The following EYS variants were observed in gnomAD, a reference collection of about 807,000 sequenced individuals.
EYS encodes the protein EGF-like photoreceptor maintenance factor.
Under a neutral mutation model 282.1 loss-of-function variants are expected in EYS, and 250 were observed. The observed-to-expected ratio is 0.89, with a 90% CI of 0.80 to 0.98. The LOEUF (loss-of-function observed/expected upper bound fraction) is 0.98, where lower values mean the gene tolerates loss of function less well. EYS is among the 50% of genes least tolerant of loss of function. EYS has a pLI of 0.00. For synonymous variants in EYS, 1,355 were observed against 1,282.9 expected (o/e 1.06, Z -1.20); for missense variants, 4,016 against 3,709.0 (o/e 1.08, Z -2.15).
In EYS at chr6:64,607,491, A is replaced by C. The variant is rs546676539; in HGVS notation, c.3684+9927T>G. ...TTCTAACTATGTCCTCATAGGCTGGAAGGGACTATCTAGTTATCTGCAGCT... is the reference window on the plus strand; with the variant it reads ...TTCTAACTATGTCCTCATAGGCTGGCAGGGACTATCTAGTTATCTGCAGCT... On this transcript the variant is annotated intron_variant, in intron 24 of 42. Coordinates refer to ENST00000503581, the MANE Select transcript of EYS (RefSeq NM_001142800.2). 6.6e-5 allele frequency among the ~76,000 whole-genome samples: 10 copies of C among 152,118 alleles called. No individual in the cohort carries two copies. The East Asian group carries it at 1.9e-3, about 29-fold the overall frequency.
intron 31 of EYS, among the ~76,000 whole-genome samples, chr6:64,206,306 G>T (rs1282517387): frequency 6.6e-6 from 1 of 152,052 alleles, no homozygotes; most frequent in Non-Finnish European, 1.5e-5. Flanking sequence ...TTCACGTTTT[G>T]TTCCAGAGAC....
At chr6:64,897,988 C>T (rs1322766181) in intron 18 of EYS, among the ~76,000 whole-genome samples, 1 of 152,132 alleles carries the variant, frequency 6.6e-6, no homozygotes, top group African/African-American at 2.4e-5. Flanking sequence ...GATTGGTGTA[C>T]CTGAAAGTGA....
intron 7 of EYS, among the ~76,000 whole-genome samples, chr6:65,387,554 T>A (rs1396479857): frequency 6.6e-6 from 1 of 151,864 alleles, no homozygotes; most frequent in Non-Finnish European, 1.5e-5. Context: ...AATAATTTCA[T>A]AAAGCAAAAA....
chr6:65,421,934 C>T (rs1767480061), intron 5 of EYS, among the ~76,000 whole-genome samples: 1 of 151,836 alleles, frequency 6.6e-6, no homozygotes, highest in Non-Finnish European at 1.5e-5. Flanking sequence ...TCAATGATCA[C>T]AGAGCCCCAT....
chr6:65,537,848 A>G (rs112226033), intron 2 of EYS, among the ~76,000 whole-genome samples: 6 of 152,348 alleles, frequency 3.9e-5, no homozygotes, highest in African/African-American at 1.4e-4. Context: ...ATATGAAGAC[A>G]GATTGGACTT....
At chr6:64,291,194 T>C (rs544750452) in intron 30 of EYS, among the ~76,000 whole-genome samples, 1 of 152,064 alleles carries the variant, frequency 6.6e-6, no homozygotes, top group South Asian at 2.1e-4. Context: ...CTAGAGGATA[T>C]GACTCTTATC....
chr6:65,062,435 C>T (rs1425172412), intron 12 of EYS, among the ~76,000 whole-genome samples: 1 of 151,914 alleles, frequency 6.6e-6, no homozygotes, highest in Non-Finnish European at 1.5e-5. Context: ...CCAATGAGAA[C>T]AAGAGTTGCT....
At chr6:64,296,789 T>G (rs1041427459) in intron 30 of EYS, among the ~76,000 whole-genome samples, 1 of 151,742 alleles carries the variant, frequency 6.6e-6, no homozygotes, top group Non-Finnish European at 1.5e-5. Flanking sequence ...GTATTTTTAG[T>G]AGAGACGGGG....
chr6:65,175,027 C>T (rs1015444424), intron 12 of EYS, among the ~76,000 whole-genome samples: 1 of 151,190 alleles, frequency 6.6e-6, no homozygotes, highest in South Asian at 2.1e-4. Flanking sequence ...TCACAAAAGC[C>T]AGCCTGAACA....
rs1386212095 is a variant in EYS, at chr6:65,384,389, G to T, written c.1296C>A (p.Phe432Leu). 1.9e-6 allele frequency: 3 copies of T among 1,574,748 alleles called. No homozygotes were observed. Among genetic ancestry groups the T allele is most frequent in the African/African-American group, 2.7e-5 (2 of 74,026 alleles). Residue 432 changes from phenylalanine to leucine, a missense_variant, in exon 8 of 43, where the codon TTC becomes TTA. By Grantham distance (22) the Phe-to-Leu change is conservative. Coordinates refer to ENST00000503581, the MANE Select transcript of EYS (RefSeq NM_001142800.2). ...EEWCFNIIGR[F>L]KYVCIPGCTK... ...TGCCATGTATTAAATTACTTACTTT[G>T]AATCTTCCAATTATATTGAAACACC... is the stretch of plus-strand genomic sequence containing the variant.
rs117399723 is a variant in EYS, at chr6:65,638,694, G to A, written c.-333+1084C>T. On this transcript the variant is annotated intron_variant, in intron 2 of 42. Coordinates refer to ENST00000503581, the MANE Select transcript of EYS (RefSeq NM_001142800.2). ...CCGCGCTGCAGCAGCCAGCATGCCTGGCTGTGCGCAGTGGGTGGACCCCAC... is the reference window on the plus strand; with the variant it reads ...CCGCGCTGCAGCAGCCAGCATGCCTAGCTGTGCGCAGTGGGTGGACCCCAC... Among the ~76,000 whole-genome samples the A allele has an allele frequency of 1.7e-3, 256 of 152,356 alleles. 7 individuals are homozygous for A. In the East Asian group the frequency reaches 0.039, roughly 23 times the overall value.
At chr6:64,917,691 G>A (rs760337242) in intron 15 of EYS, among the ~76,000 whole-genome samples, 2 of 152,090 alleles carry the variant, frequency 1.3e-5, no homozygotes, top group African/African-American at 2.4e-5. Context: ...GAGATTTTAA[G>A]TGCTTTCTTC....
Position 64,825,456 on chromosome 6 carries a change from A to T in EYS, c.2993-2634T>A, listed in dbSNP as rs970657794. The stretch of plus-strand genomic sequence containing the variant: ...ACATTCAAATATTTGTTAAAAAATA[A>T]ATCCTTGTCATATACGTGTGTGTGG... On this transcript the variant is annotated intron_variant, in intron 19 of 42. Transcript: ENST00000503581. 2.0e-5 allele frequency among the ~76,000 whole-genome samples: 3 copies of T among 151,972 alleles called. No homozygotes were observed. In the East Asian group the frequency reaches 5.8e-4, roughly 30 times the overall value.
chr6:64,290,177 C>CA (rs2150365257), intron 30 of EYS, among the ~76,000 whole-genome samples: 1 of 152,232 alleles, frequency 6.6e-6, no homozygotes, highest in South Asian at 2.1e-4. Context: ...CCATCAATCA[C>CA]AGGCATTGTT....
chr6:64,343,603 C>A (rs556497327), intron 29 of EYS, among the ~76,000 whole-genome samples: 17 of 151,988 alleles, frequency 1.1e-4, no homozygotes, highest in African/African-American at 3.9e-4. Flanking sequence ...CAAGAGAAAG[C>A]AAGAAAGATC....
At chr6:64,678,533 G>T (rs1769776916) in intron 22 of EYS, among the ~76,000 whole-genome samples, 4 of 152,148 alleles carry the variant, frequency 2.6e-5, no homozygotes, top group Admixed American at 2.6e-4. Context: ...AACCAAGATA[G>T]GGTGACTGCA....
intron 40 of EYS, among the ~76,000 whole-genome samples, chr6:63,768,354 T>C (rs1208075644): frequency 6.6e-6 from 1 of 151,804 alleles, no homozygotes; most frequent in Non-Finnish European, 1.5e-5. Flanking sequence ...CCAGAATCTA[T>C]AAGGAACTTA....
chr6:65,167,886 GT>G lies in EYS; in HGVS notation c.2024-110160del, dbSNP rs1419128891. The stretch of plus-strand genomic sequence containing the variant: ...TTCCCATACCTTCCTTTTTAGCTGT[GT>G]TTTTTTGGTGTTATGTTTCTATATT... On this transcript the variant is annotated intron_variant, in intron 12 of 42. Coordinates refer to ENST00000503581, the MANE Select transcript of EYS (RefSeq NM_001142800.2). 4.6e-5 allele frequency among the ~76,000 whole-genome samples: 7 copies of G among 150,946 alleles called. No homozygotes were observed. In the East Asian group the frequency reaches 1.4e-3, roughly 30 times the overall value.
chr6:65,615,587 A>G (rs1051234817), intron 2 of EYS, among the ~76,000 whole-genome samples: 1 of 152,052 alleles, frequency 6.6e-6, no homozygotes, highest in African/African-American at 2.4e-5. Context: ...TTTTTAAAGT[A>G]TGTTTTCCCC....
Sources: gnomAD v4.1 joint callset for allele counts (sites outside exome capture counted in the v4.1 genomes callset) on GRCh38, gnomAD v4.1.1 for gene constraint, MANE v1.5 for transcripts, NCBI Gene and HGNC (gene_info 2026-07-23, HGNC 2026-07-21) for gene names.